Variants in CTCF observed in about 807,000 individuals in gnomAD.
CTCF encodes CCCTC-binding factor.
In CTCF, 7 loss-of-function variants were observed where a neutral mutation model predicts 72.3. The observed-to-expected ratio is 0.10, with a 90% CI of 0.06 to 0.18. The LOEUF (loss-of-function observed/expected upper bound fraction) is 0.18. CTCF is among the 10% of genes least tolerant of loss of function. The pLI is 1.00. For missense variants in CTCF, 516 were observed against 949.1 expected (o/e 0.54, Z 6.00); for synonymous variants, 374 against 315.8 (o/e 1.18, Z -1.95).
Position 67,611,615 on chromosome 16 carries a change from T to TA in CTCF, c.781+6dup. On this transcript the variant is annotated splice_region_variant and intron_variant, in intron 3 of 11. Transcript: ENST00000264010. ...AGCCAACAAAAATTAAAAAGAAAGG[T>TA]AAAACGAGTTTATCCATAGTGGTTT... The TA allele has an allele frequency of 2.5e-6, 4 of 1,608,804 alleles. No homozygotes were observed. Among genetic ancestry groups the TA allele is most frequent in the Non-Finnish European group, 3.4e-6 (4 of 1,178,396 alleles).
At chr16:67,581,918 A>G (rs2051588106) in intron 2 of CTCF, among the ~76,000 whole-genome samples, 1 of 152,144 alleles carries the variant, frequency 6.6e-6, no homozygotes, top group Non-Finnish European at 1.5e-5. Flanking sequence ...CACCTCACAC[A>G]GCCTCTGTTA....
intron 6 of CTCF, 87 bp from the exon 7 acceptor site, chr16:67,621,355 A>G: frequency 1.1e-6 from 1 of 942,346 alleles, no homozygotes; most frequent in South Asian, 1.5e-5. Context: ...TCTGTGGTGT[A>G]GCATATCTGC....
intron 1 of CTCF, among the ~76,000 whole-genome samples, chr16:67,568,803 C>G (rs907181909): frequency 2.6e-5 from 4 of 151,870 alleles, no homozygotes; most frequent in Non-Finnish European, 5.9e-5. Flanking sequence ...TGCTGGATTG[C>G]TGGTGTGAGC....
intron 10 of CTCF, 135 bp downstream of exon 10, chr16:67,629,668 C>T (rs963899432): frequency 4.6e-5 from 32 of 702,960 alleles, no homozygotes; most frequent in Admixed American, 2.0e-4. Flanking sequence ...CATCTCCTAA[C>T]GTCTATTTAC....
Position 67,628,367 on chromosome 16 carries a change from C to T in CTCF, c.1519-3C>T, listed in dbSNP as rs2052318997. On this transcript the variant is annotated splice_polypyrimidine_tract_variant and splice_region_variant and intron_variant, in intron 8 of 11. Transcript: ENST00000264010. ...TGAGGCCTTTCCCCCTATGCCGTTT[C>T]AGGAGAGGCACATGATCATGCACAA... 5.0e-6 allele frequency: 8 copies of T among 1,612,424 alleles called. No individual in the cohort carries two copies. The highest frequency in any genetic ancestry group is 6.8e-6 in the Non-Finnish European group (8 of 1,178,594).
At chr16:67,580,523 T>C (rs1386074134) in intron 2 of CTCF, among the ~76,000 whole-genome samples, 6 of 151,578 alleles carry the variant, frequency 4.0e-5, no homozygotes. Context: ...TAATTATTTA[T>C]GTATTTTATT....
chr16:67,581,814 G>A (rs914641380), intron 2 of CTCF, among the ~76,000 whole-genome samples: 1 of 151,882 alleles, frequency 6.6e-6, no homozygotes, highest in African/African-American at 2.4e-5. Context: ...TAATTTTTGT[G>A]TTTTTAGTGG....
intron 2 of CTCF, among the ~76,000 whole-genome samples, chr16:67,596,642 T>C (rs2051819504): frequency 6.6e-6 from 1 of 152,114 alleles, no homozygotes. Flanking sequence ...TGGAATGCAG[T>C]GGCACGATCT....
intron 2 of CTCF, 131 bp from the exon 3 acceptor site, chr16:67,610,693 T>C: frequency 1.7e-6 from 1 of 587,260 alleles, no homozygotes; most frequent in East Asian, 3.2e-5. Flanking sequence ...ACATGTCTGT[T>C]GTGTCTTTTT....
intron 9 of CTCF, among the ~76,000 whole-genome samples, chr16:67,628,935 C>T (rs1203012432): frequency 6.6e-6 from 1 of 152,022 alleles, no homozygotes; most frequent in South Asian, 2.1e-4. Context: ...TGGCGGGCCC[C>T]TGTACTCCCA....
intron 2 of CTCF, among the ~76,000 whole-genome samples, chr16:67,585,982 A>G (rs2051663986): frequency 6.6e-6 from 1 of 150,938 alleles, no homozygotes; most frequent in Non-Finnish European, 1.5e-5. Flanking sequence ...CCTCCACCCT[A>G]CCCCCATGCA....
intron 3 of CTCF, 30 bp from the exon 4 acceptor site, chr16:67,611,921 C>A (rs1026010486): frequency 1.3e-6 from 2 of 1,595,946 alleles, no homozygotes; most frequent in Non-Finnish European, 1.7e-6. Flanking sequence ...TGAAACTCTG[C>A]AGCAAGTAAG....
intron 2 of CTCF, among the ~76,000 whole-genome samples, chr16:67,591,058 C>T (rs572780382): frequency 1.1e-4 from 17 of 151,322 alleles, no homozygotes; most frequent in African/African-American, 2.7e-4. Flanking sequence ...TTTGGGAGGC[C>T]GAGGCGGGCA....
chr16:67,617,322 AC>A (rs1597718454), intron 5 of CTCF, among the ~76,000 whole-genome samples: 2 of 151,862 alleles, frequency 1.3e-5, no homozygotes, highest in South Asian at 4.2e-4. Context: ...AAACGGTGAA[AC>A]CCTGTCTCTA....
chr16:67,581,155 G>C (rs1156851996), intron 2 of CTCF, among the ~76,000 whole-genome samples: 3 of 148,154 alleles, frequency 2.0e-5, no homozygotes, highest in African/African-American at 5.0e-5. Context: ...GTCTCGATCT[G>C]CTGACCTCCT....
chr16:67,622,459 C>G (rs906263377), intron 7 of CTCF, among the ~76,000 whole-genome samples: 1 of 152,046 alleles, frequency 6.6e-6, no homozygotes, highest in Non-Finnish European at 1.5e-5. Context: ...GATATCACCT[C>G]AGTTGATACA....
intron 1 of CTCF, among the ~76,000 whole-genome samples, chr16:67,567,123 A>T (rs549163495): frequency 3.3e-4 from 50 of 152,198 alleles, no homozygotes; most frequent in Admixed American, 3.0e-3. Context: ...ATTAGGTGTG[A>T]GCCACCGTGT....
chr16:67,606,819 T>C (rs2051980142), intron 2 of CTCF, among the ~76,000 whole-genome samples: 1 of 146,352 alleles, frequency 6.8e-6, no homozygotes, highest in Non-Finnish European at 1.5e-5. Context: ...CAGGCTGGAG[T>C]GCAGTGGCAC....
chr16:67,574,890 C>G (rs928656646), intron 2 of CTCF, among the ~76,000 whole-genome samples: 4 of 151,368 alleles, frequency 2.6e-5, no homozygotes, highest in Admixed American at 6.6e-5. Context: ...ATCTCCTGAC[C>G]TCTTGATCTG....
Sources: gnomAD v4.1 joint callset for allele counts (sites outside exome capture counted in the v4.1 genomes callset) on GRCh38, gnomAD v4.1.1 for gene constraint, MANE v1.5 for transcripts, NCBI Gene and HGNC (gene_info 2026-07-23, HGNC 2026-07-21) for gene names.